The following WWC2 variants were observed in gnomAD, a reference collection of about 807,000 sequenced individuals.
The protein encoded by WWC2 is protein WWC2.
WWC2 carries 101 observed loss-of-function variants against 138.5 expected under a neutral mutation model. The ratio of observed to expected loss-of-function variants is 0.73; its 90% CI spans 0.62 to 0.86. The LOEUF (loss-of-function observed/expected upper bound fraction) is 0.86, where lower values mean the gene tolerates loss of function less well. WWC2 is among the 40% of genes least tolerant of loss of function. The probability of loss-of-function intolerance (pLI) is 0.00; values close to 1 mark genes in which losing one functional copy is unlikely to be tolerated. For synonymous variants in WWC2, 558 were observed against 538.4 expected (o/e 1.04, Z -0.50); for missense variants, 1,420 against 1,419.4 (o/e 1.00, Z -0.01).
At chr4:183,185,403 A>AAAGC (rs900577022) in intron 1 of WWC2, among the ~76,000 whole-genome samples, 4 of 152,220 alleles carry the variant, frequency 2.6e-5, no homozygotes, top group African/African-American at 9.6e-5. Flanking sequence ...AAGAAAGCAT[A>AAAGC]AAGCATACAG....
At chr4:183,190,876 A>C (rs895280109) in intron 1 of WWC2, among the ~76,000 whole-genome samples, 1 of 152,212 alleles carries the variant, frequency 6.6e-6, no homozygotes, top group Non-Finnish European at 1.5e-5. Flanking sequence ...TCCTATTCTT[A>C]AAGTAATAAA....
At chr4:183,162,045 A>G (rs1332794371) in intron 1 of WWC2, among the ~76,000 whole-genome samples, 1 of 152,234 alleles carries the variant, frequency 6.6e-6, no homozygotes, top group Non-Finnish European at 1.5e-5. Context: ...ATAATACATG[A>G]CATTGAAAGT....
intron 1 of WWC2, among the ~76,000 whole-genome samples, chr4:183,120,985 G>A (rs1270283464): frequency 6.6e-6 from 1 of 152,206 alleles, no homozygotes; most frequent in Non-Finnish European, 1.5e-5. Context: ...CACTTTGGGA[G>A]GCCGGCAGAT....
rs950195179 is a variant in WWC2 at position 183,317,956 on chromosome 4, C to T, written c.*2227C>T. 4.6e-5 allele frequency: 7 copies of T among 152,066 alleles called. No individual in the cohort carries two copies. The highest frequency in any genetic ancestry group is 1.7e-4 in the African/African-American group (7 of 41,420). 9.4% of individuals were successfully genotyped at this position (152,066 alleles called of 1,614,324 possible). A position where few individuals can be genotyped will look rare whatever the true frequency, so the allele number is the denominator to read the frequency against. On this transcript the variant is annotated 3_prime_UTR_variant, in exon 23 of 23. Transcript: ENST00000403733. ...AATCCTTTTTCTACACTTTAAAAGT[C>T]AGCAATAGTGTTATGTATTTATAGG... is the stretch of plus-strand genomic sequence containing the variant.
chr4:183,232,887 A>G (rs112995528), intron 4 of WWC2, among the ~76,000 whole-genome samples: 4,846 of 152,096 alleles, frequency 0.032, 239 homozygotes, highest in African/African-American at 0.11. Flanking sequence ...ACCTCAAGCA[A>G]TCCATCCACC....
Position 183,276,648 on chromosome 4 carries a change from CAGTT to C in WWC2, c.2563-4124_2563-4121del, listed in dbSNP as rs149276337. ...CAAGATAGTATTATTGTTTCATTGA[CAGTT>C]AGTATTCATTCAGATTTCCTCACGT... On this transcript the variant is annotated intron_variant, in intron 16 of 22. Coordinates refer to ENST00000403733, the MANE Select transcript of WWC2 (RefSeq NM_024949.6). Among the ~76,000 whole-genome samples, 186 of 152,172 alleles carry C rather than the reference CAGTT, an allele frequency of 1.2e-3. 3 individuals are homozygous for C. In the East Asian group the frequency reaches 0.024, roughly 20 times the overall value.
chr4:183,120,286 T>C (rs559437308), intron 1 of WWC2, among the ~76,000 whole-genome samples: 2 of 152,350 alleles, frequency 1.3e-5, no homozygotes, highest in South Asian at 4.1e-4. Context: ...AGTTAAATCA[T>C]AGCATATAGA....
chr4:183,192,125 C>T (rs1479712333), intron 1 of WWC2, among the ~76,000 whole-genome samples: 2 of 152,190 alleles, frequency 1.3e-5, no homozygotes, highest in African/African-American at 4.8e-5. Context: ...TGACTTGATT[C>T]CTCTGAGGGA....
chr4:183,293,114 T>C (rs916390447), intron 21 of WWC2, among the ~76,000 whole-genome samples: 5 of 152,062 alleles, frequency 3.3e-5, no homozygotes, highest in African/African-American at 4.8e-5. Context: ...ACCGCCACAC[T>C]CAGCTAATTT....
At chr4:183,224,621 C>T (rs1392459130) in intron 4 of WWC2, among the ~76,000 whole-genome samples, 4 of 152,128 alleles carry the variant, frequency 2.6e-5, no homozygotes, top group Admixed American at 6.5e-5. Context: ...AGTGCACTGG[C>T]GCCATCTCAG....
At chr4:183,190,193 T>C (rs1734951603) in intron 1 of WWC2, among the ~76,000 whole-genome samples, 1 of 152,224 alleles carries the variant, frequency 6.6e-6, no homozygotes, top group Non-Finnish European at 1.5e-5. Context: ...TGTTGCTCCT[T>C]TGCAGGGAAC....
intron 22 of WWC2, among the ~76,000 whole-genome samples, chr4:183,313,949 A>T (rs1026110333): frequency 6.6e-6 from 1 of 151,688 alleles, no homozygotes; most frequent in Admixed American, 6.6e-5. Flanking sequence ...GAGGTTTTGT[A>T]TAGACGAGTC....
chr4:183,230,901 A>G (rs1449749733), intron 4 of WWC2, among the ~76,000 whole-genome samples: 1 of 152,238 alleles, frequency 6.6e-6, no homozygotes, highest in African/African-American at 2.4e-5. Context: ...TTGAAGTGAA[A>G]TGACTAAATT....
chr4:183,221,276 CAG>C (rs759679444), intron 4 of WWC2, among the ~76,000 whole-genome samples: 1 of 152,192 alleles, frequency 6.6e-6, no homozygotes, highest in Non-Finnish European at 1.5e-5. Flanking sequence ...CACATGCTAA[CAG>C]AGCTTCAAAT....
chr4:183,162,192 GT>G (rs5864818), intron 1 of WWC2, among the ~76,000 whole-genome samples: 150,005 of 152,090 alleles, frequency 0.99, 74,007 homozygotes, highest in Middle Eastern at 1. Context: ...TACCCGATTA[GT>G]TTTTTTTTAC....
At chr4:183,109,416 A>G (rs916105995) in intron 1 of WWC2, among the ~76,000 whole-genome samples, 2 of 152,166 alleles carry the variant, frequency 1.3e-5, no homozygotes, top group Non-Finnish European at 2.9e-5. Flanking sequence ...GCAGTCCCCA[A>G]CCTTTCAGGT....
chr4:183,156,520 CG>C (rs1733809928), intron 1 of WWC2, among the ~76,000 whole-genome samples: 1 of 151,756 alleles, frequency 6.6e-6, no homozygotes, highest in Non-Finnish European at 1.5e-5. Context: ...TTAGTAGAAA[CG>C]GGGTTTCACC....
chr4:183,291,452 A>C (rs2111080198), intron 21 of WWC2, among the ~76,000 whole-genome samples: 1 of 152,286 alleles, frequency 6.6e-6, no homozygotes, highest in South Asian at 2.1e-4. Context: ...CAACATTTTT[A>C]CTCTCTTGAG....
intron 1 of WWC2, among the ~76,000 whole-genome samples, chr4:183,174,447 A>G (rs1286171441): frequency 6.6e-6 from 1 of 152,142 alleles, no homozygotes; most frequent in Non-Finnish European, 1.5e-5. Flanking sequence ...TGTCTCCTGA[A>G]TCACTTACCA....
Sources: allele counts gnomAD v4.1 joint callset (sites outside exome capture counted in the v4.1 genomes callset), GRCh38; gene constraint gnomAD v4.1.1; transcripts MANE v1.5; gene names NCBI Gene and HGNC (gene_info 2026-07-23, HGNC 2026-07-21).